TECPR2: variants seen among roughly 807,000 people sequenced by gnomAD.
The protein encoded by TECPR2 is tectonin beta-propeller repeat containing 2.
A neutral mutation model predicts 138.1 loss-of-function variants in TECPR2; 65 were observed. The ratio of observed to expected loss-of-function variants is 0.47; its 90% CI spans 0.39 to 0.58. The LOEUF (loss-of-function observed/expected upper bound fraction) is 0.58. Ranked by LOEUF, TECPR2 falls within the 20% of genes least tolerant of loss-of-function variation. The pLI is 0.00. For missense variants in TECPR2, 1,553 were observed against 1,824.5 expected, an observed-to-expected ratio of 0.85 and a Z score of 2.71; for synonymous variants, 746 against 749.8, an observed-to-expected ratio of 0.99 and a Z score of 0.08.
At chr14:102,480,319 G>T (rs1443656022) in intron 17 of TECPR2, among the ~76,000 whole-genome samples, 15 of 151,902 alleles carry the variant, frequency 9.9e-5, no homozygotes, top group Admixed American at 9.8e-4. Flanking sequence ...CCACCTCCCG[G>T]GTTCACGCCA....
chr14:102,443,857 T>C lies in TECPR2; in HGVS notation c.2933+30T>C. ...TGGCGGGCCAGAGACTCCTTTCACA[T>C]CGTGCTTGTCCTACCCTTCGTTCTT... On this transcript the variant is annotated intron_variant, in intron 12 of 19. Transcript: ENST00000359520. The surrounding 1 kb of genome is among the most constrained non-coding windows in gnomAD (Gnocchi z 4.9). The C allele has an allele frequency of 6.6e-7, 1 of 1,513,562 alleles. No individual in the cohort carries two copies. Among genetic ancestry groups the C allele is most frequent in the South Asian group, 1.3e-5 (1 of 77,422 alleles). 93.8% of individuals were successfully genotyped at this position (1,513,562 alleles called of 1,614,324 possible). A position where few individuals can be genotyped will look rare whatever the true frequency, so the allele number is the denominator to read the frequency against.
chr14:102,390,960 C>T (rs1174887746), intron 2 of TECPR2, among the ~76,000 whole-genome samples: 4 of 152,182 alleles, frequency 2.6e-5, no homozygotes, highest in South Asian at 4.1e-4. Flanking sequence ...AACAGCAGGA[C>T]GCTAAAAAGA....
chr14:102,483,156 GCCGTTCTAACACCTGAT>G (rs1442500817), intron 17 of TECPR2, among the ~76,000 whole-genome samples: 1 of 151,966 alleles, frequency 6.6e-6, no homozygotes, highest in African/African-American at 2.4e-5. Flanking sequence ...CGGCCCAGAA[GCCGTTCTAACACCTGAT>G]CCTTGATACT....
intron 7 of TECPR2, among the ~76,000 whole-genome samples, chr14:102,429,792 G>A (rs1049908302): frequency 6.6e-6 from 1 of 152,112 alleles, no homozygotes; most frequent in Non-Finnish European, 1.5e-5. Context: ...TGGTGACTTG[G>A]AGCCACCAGG....
intron 17 of TECPR2, among the ~76,000 whole-genome samples, chr14:102,496,486 G>A (rs1031963755): frequency 2.0e-5 from 3 of 152,222 alleles, no homozygotes; most frequent in Non-Finnish European, 2.9e-5. Context: ...GTCTTGTGCC[G>A]CGGCCTGGTC....
intron 1 of TECPR2, among the ~76,000 whole-genome samples, chr14:102,371,178 G>T (rs1409204249): frequency 6.6e-6 from 1 of 152,160 alleles, no homozygotes; most frequent in Non-Finnish European, 1.5e-5. Flanking sequence ...GGTGGAAAGA[G>T]GGTCAGTTCT....
At chr14:102,436,371 C>A (rs542152349) in intron 9 of TECPR2, among the ~76,000 whole-genome samples, 1 of 147,846 alleles carries the variant, frequency 6.8e-6, no homozygotes, top group African/African-American at 2.5e-5. Context: ...CAGGATGGAG[C>A]GCAGTGGCGC....
At chr14:102,491,480 C>T (rs1037112857) in intron 17 of TECPR2, among the ~76,000 whole-genome samples, 1 of 152,240 alleles carries the variant, frequency 6.6e-6, no homozygotes, top group Admixed American at 6.5e-5. Flanking sequence ...TTCCAAAGTG[C>T]TGGCATTACA....
chr14:102,461,691 G>A (rs1385256038), intron 16 of TECPR2, among the ~76,000 whole-genome samples: 3 of 152,144 alleles, frequency 2.0e-5, no homozygotes, highest in African/African-American at 4.8e-5. Flanking sequence ...CTCTTCTAGG[G>A]CAGTGGTCCT....
rs527908077 is a variant in TECPR2 at position 102,426,980 on chromosome 14, A to G, written c.952-1270A>G. Among the ~76,000 whole-genome samples, 11 of 152,366 alleles carry G rather than the reference A, an allele frequency of 7.2e-5. No individual in the cohort carries two copies. In the East Asian group the frequency reaches 1.5e-3, roughly 21 times the overall value. ...GTACCTGGTAACACTGGTTTGGCAG[A>G]AAGAAAACTGGCCCGGGGTGGGGGG... On this transcript the variant is annotated intron_variant, in intron 6 of 19. Coordinates refer to ENST00000359520, the MANE Select transcript of TECPR2 (RefSeq NM_014844.5).
chr14:102,411,632 C>T (rs2139699178), intron 4 of TECPR2, among the ~76,000 whole-genome samples: 1 of 140,616 alleles, frequency 7.1e-6, no homozygotes, highest in African/African-American at 2.7e-5. Flanking sequence ...ACCCCTATCT[C>T]CCTCTGCTGA....
chr14:102,483,276 G>GTTCATCC (rs1302712119), intron 17 of TECPR2, among the ~76,000 whole-genome samples: 2 of 152,124 alleles, frequency 1.3e-5, no homozygotes, highest in African/African-American at 4.8e-5. Context: ...TGAGGGCTGT[G>GTTCATCC]TTCATCCTTG....
At chr14:102,408,395 A>G (rs1415746497) in intron 3 of TECPR2, 93 bp from the exon 4 acceptor site, 1 of 1,399,764 alleles carries the variant, frequency 7.1e-7, no homozygotes, top group Non-Finnish European at 9.6e-7. Flanking sequence ...CTCTTCCCTA[A>G]CTAGGAGTGA....
intron 17 of TECPR2, among the ~76,000 whole-genome samples, chr14:102,479,042 A>C (rs1567358789): frequency 6.6e-6 from 1 of 152,082 alleles, no homozygotes; most frequent in Non-Finnish European, 1.5e-5. Flanking sequence ...AAGGAAAAAA[A>C]AAAGGAAATG....
At chr14:102,481,494 G>A (rs1890893225) in intron 17 of TECPR2, among the ~76,000 whole-genome samples, 1 of 152,162 alleles carries the variant, frequency 6.6e-6, no homozygotes, top group Non-Finnish European at 1.5e-5. Context: ...GCCAAGTGTG[G>A]TGGTATGTGC....
At chr14:102,401,061 A>G (rs1189789653) in intron 2 of TECPR2, among the ~76,000 whole-genome samples, 1 of 151,810 alleles carries the variant, frequency 6.6e-6, no homozygotes, top group Non-Finnish European at 1.5e-5. Flanking sequence ...GATAGAAATA[A>G]GTCCCTGTTT....
chr14:102,495,533 A>G (rs1891256769), intron 17 of TECPR2, among the ~76,000 whole-genome samples: 1 of 152,138 alleles, frequency 6.6e-6, no homozygotes, highest in Non-Finnish European at 1.5e-5. Flanking sequence ...GAGGCCTGTG[A>G]TCACTCTGCA....
At chr14:102,426,547 T>C (rs1019076143) in intron 6 of TECPR2, among the ~76,000 whole-genome samples, 3 of 152,156 alleles carry the variant, frequency 2.0e-5, no homozygotes, top group African/African-American at 7.2e-5. Context: ...AGAGCCTCAC[T>C]GTAGAAAATA....
intron 1 of TECPR2, among the ~76,000 whole-genome samples, chr14:102,365,520 A>C (rs1338001188): frequency 6.6e-6 from 1 of 152,234 alleles, no homozygotes; most frequent in African/African-American, 2.4e-5. Context: ...TGTCTACACA[A>C]TGGAAGGCTG....
Sources: allele counts gnomAD v4.1 joint callset (sites outside exome capture counted in the v4.1 genomes callset), GRCh38; gene constraint gnomAD v4.1.1; non-coding constraint Gnocchi (gnomAD v3.1); transcripts MANE v1.5; gene names NCBI Gene and HGNC (gene_info 2026-07-23, HGNC 2026-07-21).